The following DNAH2 variants were observed in gnomAD, a reference collection of about 807,000 sequenced individuals.
DNAH2 encodes the protein axonemal beta dynein heavy chain 2.
In DNAH2, 323 loss-of-function variants were observed where a neutral mutation model predicts 523.5. That is an observed-to-expected ratio of 0.62 (90% CI 0.56 to 0.68). The LOEUF (loss-of-function observed/expected upper bound fraction) is 0.68. Ranked by LOEUF, DNAH2 falls within the 30% of genes least tolerant of loss-of-function variation. The probability of loss-of-function intolerance (pLI) is 0.00; values close to 1 mark genes in which losing one functional copy is unlikely to be tolerated. For synonymous variants in DNAH2, 2,093 were observed against 2,177.4 expected (o/e 0.96, Z 1.08); for missense variants, 4,907 against 5,701.5 (o/e 0.86, Z 4.49).
In DNAH2 at chr17:7,777,541, T is replaced by G; in HGVS notation, c.5154T>G (p.His1718Gln). 6.2e-7 allele frequency: 1 copy of G among 1,614,152 alleles called. No homozygotes were observed. The highest frequency in any genetic ancestry group is 8.5e-7 in the Non-Finnish European group (1 of 1,180,026). The stretch of plus-strand genomic sequence containing the variant: ...TGGCTCTGGTGACGATAGAAATTCA[T>G]GCCCGGGATGTGTTGGAGAAGCTTT... ...KIVALVTIEI[H>Q]ARDVLEKLYK... Residue 1718 changes from histidine to glutamine, a missense_variant, in exon 33 of 86, where the codon CAT becomes CAG. Around this residue, in one of 3 missense-constraint regions of DNAH2, gnomAD observed 2,806 missense variants for 3,190.8 expected, o/e 0.88. Coordinates refer to ENST00000572933, the MANE Select transcript of DNAH2 (RefSeq NM_020877.5).
chr17:7,758,822 A>G (rs1386334986), intron 14 of DNAH2, 63 bp from the exon 15 acceptor site: 10 of 1,597,000 alleles, frequency 6.3e-6, no homozygotes, highest in African/African-American at 1.3e-5. Context: ...GTGGGAGGGT[A>G]GAATGAGGTC....
chr17:7,825,281 C>T (rs909719793), intron 77 of DNAH2, among the ~76,000 whole-genome samples: 5 of 152,160 alleles, frequency 3.3e-5, no homozygotes, highest in Non-Finnish European at 7.3e-5. Flanking sequence ...CGTGTCACTG[C>T]GCTTCACCCA....
chr17:7,723,136 A>AT (rs1164215696), intron 2 of DNAH2, among the ~76,000 whole-genome samples: 4 of 147,244 alleles, frequency 2.7e-5, no homozygotes, highest in Non-Finnish European at 4.4e-5. Context: ...CATCTGGCTA[A>AT]TTTTTTGTAT....
At chr17:7,741,089 C>T in intron 11 of DNAH2, 97 bp downstream of exon 11, 5 of 1,449,934 alleles carry the variant, frequency 3.4e-6, no homozygotes, top group South Asian at 2.8e-5. Context: ...TCTTCAGGAC[C>T]AGCACCTATG....
intron 24 of DNAH2, among the ~76,000 whole-genome samples, chr17:7,769,173 T>G (rs1186293658): frequency 6.6e-6 from 1 of 152,138 alleles, no homozygotes; most frequent in Non-Finnish European, 1.5e-5. Context: ...TTCCTTTTTT[T>G]GTGGGGGAGA....
intron 22 of DNAH2, among the ~76,000 whole-genome samples, chr17:7,767,307 G>A (rs1020112130): frequency 6.6e-6 from 1 of 152,126 alleles, no homozygotes; most frequent in African/African-American, 2.4e-5. Context: ...AATATCGCAT[G>A]AGTTTACCAC....
rs771026899 is a variant in DNAH2, at chr17:7,758,476, A to G, written c.2052-19A>G. On this transcript the variant is annotated intron_variant, in intron 13 of 85. Transcript: ENST00000572933. The stretch of plus-strand genomic sequence containing the variant: ...TCAGGGCTTGTCCCCTCTGGATACC[A>G]GGCCTCTCTTATGCACAGGATTATT... The G allele has an allele frequency of 5.0e-6, 8 of 1,606,580 alleles. No homozygotes were observed. The highest frequency in any genetic ancestry group is 3.3e-5 in the South Asian group (3 of 89,882).
Position 7,832,484 on chromosome 17 carries a change from G to C in DNAH2, c.12727-95G>C. On this transcript the variant is annotated intron_variant, in intron 82 of 85. Coordinates refer to ENST00000572933, the MANE Select transcript of DNAH2 (RefSeq NM_020877.5). This position sits in a 1 kb window ranked among gnomAD's most constrained non-coding sequence, Gnocchi z 4.3. ...AGATCGTACCACTGCACTCCAGCCT[G>C]GGGGACAAGAGCAAAACTCTGTCTC... 1 of 1,461,552 alleles carries C rather than the reference G, an allele frequency of 6.8e-7. No individual in the cohort carries two copies. The highest frequency in any genetic ancestry group is 1.4e-5 in the African/African-American group (1 of 71,566). 90.5% of individuals were successfully genotyped at this position (1,461,552 alleles called of 1,614,324 possible). A position where few individuals can be genotyped will look rare whatever the true frequency, so the allele number is the denominator to read the frequency against.
intron 12 of DNAH2, among the ~76,000 whole-genome samples, chr17:7,755,327 GTGACCTTCTCCAGCCTTTCCCACAA>G (rs33942999): frequency 0.93 from 141,168 of 151,078 alleles, 66,682 homozygotes; most frequent in East Asian, 1. Flanking sequence ...GTGTGGTCAT[GTGACCTTCTCCAGCCTTTCCCACAA>G]TGACCTTCTC....
At chr17:7,819,583 A>C (rs2077796647) in intron 72 of DNAH2, among the ~76,000 whole-genome samples, 175 bp downstream of exon 72, 1 of 152,154 alleles carries the variant, frequency 6.6e-6, no homozygotes, top group African/African-American at 2.4e-5. Context: ...TGGGCTGATG[A>C]TTCCCTGTCT....
rs776518959 is a variant in DNAH2 at position 7,831,233 on chromosome 17, A to G, written c.12378A>G (p.Ala4126=). Residue 4126 remains alanine (A), a synonymous_variant, in exon 80 of 86, where the codon GCA becomes GCG. Transcript: ENST00000572933. This position sits in a 1 kb window ranked among gnomAD's most constrained non-coding sequence, Gnocchi z 4.2. ...ATGTGGCCTCTCAGATCACTGAGGCACAAACCCTCTTTGATACTTTGCTTT... is the reference window on the plus strand; with the variant it reads ...ATGTGGCCTCTCAGATCACTGAGGCGCAAACCCTCTTTGATACTTTGCTTT... ...NADVASQITE[A]QTLFDTLLSL... is the part of the protein sequence containing the mutation. 53 of 1,614,064 alleles carry G rather than the reference A, an allele frequency of 3.3e-5. No homozygotes were observed. In the Admixed American group the frequency reaches 5.8e-4, roughly 18 times the overall value.
At position 7,760,052 on chromosome 17, in the gene DNAH2, T is replaced by C; in HGVS notation, c.2785+114T>C. ...AGGCATACTGGGCCAGTCACCTCCC[T>C]GACCTGGGGAAAACTCAGGTCAAGG... On this transcript the variant is annotated intron_variant, in intron 17 of 85. Coordinates refer to ENST00000572933, the MANE Select transcript of DNAH2 (RefSeq NM_020877.5). This position sits in a 1 kb window ranked among gnomAD's most constrained non-coding sequence, Gnocchi z 4.0. 6.6e-7 allele frequency: 1 copy of C among 1,505,042 alleles called. No individual in the cohort carries two copies. Among genetic ancestry groups the C allele is most frequent in the South Asian group, 1.2e-5 (1 of 81,832 alleles). The allele number at this position is 1,505,042 out of a possible 1,614,324, so 93.2% of individuals were successfully genotyped here.
At chr17:7,776,758 G>A (rs750465581) in intron 31 of DNAH2, 21 bp from the exon 32 acceptor site, 21 of 1,599,530 alleles carry the variant, frequency 1.3e-5, no homozygotes, top group Middle Eastern at 1.7e-4. Flanking sequence ...GCTTTGGGAC[G>A]TGGCTTCTGC....
In DNAH2 at chr17:7,759,119, C is replaced by T. The variant is rs142532084; in HGVS notation, c.2443C>T (p.Pro815Ser). ...CTATGAGGTCTTCAAGAATGATGGT[C>T]CTGAGGTAGGGTTCCTGTGGCCAGG... ...NSYEVFKNDG[P>S]EIQQQWMLYM... Residue 815 changes from proline (P) to serine (S), a missense_variant, in exon 15 of 86, where the codon CCT (proline) becomes TCT (serine). By Grantham distance (74) the Pro-to-Ser change is moderately conservative. Coordinates refer to ENST00000572933, the MANE Select transcript of DNAH2 (RefSeq NM_020877.5). 5.1e-3 allele frequency: 8,176 copies of T among 1,613,882 alleles called. 29 individuals are homozygous for T. The highest frequency in any genetic ancestry group is 6.2e-3 in the Non-Finnish European group (7,345 of 1,179,950).
intron 1 of DNAH2, among the ~76,000 whole-genome samples, chr17:7,719,213 T>C (rs1262766122): frequency 6.6e-6 from 1 of 150,958 alleles, no homozygotes; most frequent in Non-Finnish European, 1.5e-5. Context: ...CTGCAGCCTC[T>C]ACCTCTCGGG....
In DNAH2 at chr17:7,786,051, C is replaced by G. The variant is rs983722968; in HGVS notation, c.6130-73C>G. On this transcript the variant is annotated intron_variant, in intron 39 of 85. Coordinates refer to ENST00000572933, the MANE Select transcript of DNAH2 (RefSeq NM_020877.5). The surrounding 1 kb of genome is among the most constrained non-coding windows in gnomAD (Gnocchi z 7.5). ...CAGTTTGAACGTATTCTCTCTGGCA[C>G]CGGGGAGATTTTGAAAGCCCTTTAA... 66 of 1,501,240 alleles carry G rather than the reference C, an allele frequency of 4.4e-5. No homozygotes were observed. The highest frequency in any genetic ancestry group is 4.5e-5 in the East Asian group (2 of 44,234). The allele number at this position is 1,501,240 out of a possible 1,614,324, so 93.0% of individuals were successfully genotyped here.
At position 7,743,002 on chromosome 17, in the gene DNAH2, C is replaced by A; in HGVS notation, c.1764C>A (p.Val588=). ...KESVHTYQQM[V]QAIDELVRKT... ...GTGTGCACACCTATCAGCAGATGGT[C>A]CAGGCCATTGATGAGCTGGTTCGAA... Residue 588 remains valine, a synonymous_variant, in exon 12 of 86, where the codon GTC becomes GTA. Transcript: ENST00000572933. 1 of 1,521,384 alleles carries A rather than the reference C, an allele frequency of 6.6e-7. No homozygotes were observed. Among genetic ancestry groups the A allele is most frequent in the South Asian group, 1.3e-5 (1 of 74,374 alleles). 94.2% of individuals were successfully genotyped at this position (1,521,384 alleles called of 1,614,324 possible).
In DNAH2 at chr17:7,754,522, G is replaced by T; in HGVS notation, c.1905-2569G>T. On this transcript the variant is annotated intron_variant, in intron 12 of 85. Coordinates refer to ENST00000572933, the MANE Select transcript of DNAH2 (RefSeq NM_020877.5). This position sits in a 1 kb window ranked among gnomAD's most constrained non-coding sequence, Gnocchi z 4.6. ...CAAGTTCCTGAGGAACATGCGCTTT[G>T]CCAAGAAGCACAAAAGAAGGGCCTA... The T allele has an allele frequency of 1.0e-6, 1 of 999,294 alleles. No individual in the cohort carries two copies. The highest frequency in any genetic ancestry group is 1.5e-6 in the Non-Finnish European group (1 of 653,874). 61.9% of individuals were successfully genotyped at this position (999,294 alleles called of 1,614,324 possible).
At chr17:7,739,407 A>G (rs1045138483) in intron 8 of DNAH2, among the ~76,000 whole-genome samples, 5 of 152,212 alleles carry the variant, frequency 3.3e-5, no homozygotes, top group African/African-American at 1.2e-4. Context: ...CTCTGTCTCA[A>G]AAAAATAAAA....
Sources: allele counts gnomAD v4.1 joint callset (sites outside exome capture counted in the v4.1 genomes callset), GRCh38; gene constraint gnomAD v4.1.1; regional missense constraint gnomAD v4.1.1; non-coding constraint Gnocchi (gnomAD v3.1); transcripts MANE v1.5; gene names NCBI Gene and HGNC (gene_info 2026-07-23, HGNC 2026-07-21).